SLC45A2: variants seen among roughly 807,000 people sequenced by gnomAD.
SLC45A2 encodes the protein solute carrier family 45 member 2.
In SLC45A2, 36 loss-of-function variants were observed where a neutral mutation model predicts 45.5. That is an observed-to-expected ratio of 0.79 (90% CI 0.61 to 1.04). The LOEUF is 1.04. SLC45A2 is among the 50% of genes least tolerant of loss of function. The pLI is 0.00. For synonymous variants in SLC45A2, 306 were observed against 269.3 expected (o/e 1.14, Z -1.33); for missense variants, 719 against 671.0 (o/e 1.07, Z -0.79).
Position 33,944,756 on chromosome 5 carries a change from G to A in SLC45A2, c.1485C>T (p.Gly495=). ...CGGTCCCGGCTGTGTTGACCAGAAA[G>A]CCCAGGCCACCTCCGACCAGGATCT... ...LAQILVGGGL[G]FLVNTAGTVV... The change falls in exon 7 of 7, where the codon GGC becomes GGT. Residue 495 remains glycine, a synonymous_variant. Transcript: ENST00000296589. 4 of 1,614,180 alleles carry A rather than the reference G, an allele frequency of 2.5e-6. No individual in the cohort carries two copies. Among genetic ancestry groups the A allele is most frequent in the Non-Finnish European group, 3.4e-6 (4 of 1,180,036 alleles).
In SLC45A2 at chr5:33,944,826, T is replaced by C. The variant is rs775276431; in HGVS notation, c.1415A>G (p.Lys472Arg). Residue 472 changes from lysine (K) to arginine (R), a missense_variant, in exon 7 of 7, where the codon AAG becomes AGG. Transcript: ENST00000296589. ...TGTGAGGGTGGCGCAGTCCATGCCCTTCCCTCTCACGCTGTTGTCTGGGTC... is the reference window on the plus strand; with the variant it reads ...TGTGAGGGTGGCGCAGTCCATGCCCCTCCCTCTCACGCTGTTGTCTGGGTC... The part of the protein sequence containing the change: ...GGDPDNSVRG[K>R]GMDCATLTCM... 6.8e-6 allele frequency: 11 copies of C among 1,613,978 alleles called. No homozygotes were observed. In the Admixed American group the frequency reaches 1.8e-4, roughly 27 times the overall value.
intron 4 of SLC45A2, among the ~76,000 whole-genome samples, chr5:33,954,032 T>C (rs6451045): frequency 0.94 from 135,233 of 144,600 alleles, 63,731 homozygotes; most frequent in Non-Finnish European, 0.99. Flanking sequence ...TTTATGCACC[T>C]AATACAGGAG....
chr5:33,971,465 G>T (rs981469546), intron 2 of SLC45A2: 14 of 402,840 alleles, frequency 3.5e-5, no homozygotes, highest in Admixed American at 6.3e-5. Context: ...TGGAGACAGG[G>T]TCTCACTCTA....
At chr5:33,969,050 T>TCC (rs1374414254) in intron 2 of SLC45A2, among the ~76,000 whole-genome samples, 2 of 91,906 alleles carry the variant, frequency 2.2e-5, no homozygotes, top group South Asian at 2.6e-4. Context: ...AGCTACTCTC[T>TCC]CTCTCTCTCT....
chr5:33,975,217 G>A (rs1167848343), intron 2 of SLC45A2, among the ~76,000 whole-genome samples: 2 of 152,236 alleles, frequency 1.3e-5, no homozygotes, highest in Non-Finnish European at 2.9e-5. Context: ...AATTAAATGA[G>A]CATATTTGTC....
rs764383476 is a variant in SLC45A2, at chr5:33,963,643, AAG to A, written c.888+46_888+47del. ...AATTAAAAAAACAACAACAACAACA[AAG>A]AGCAAGAATATTTTCCCTTGTAAAG... On this transcript the variant is annotated intron_variant, in intron 3 of 6. Coordinates refer to ENST00000296589, the MANE Select transcript of SLC45A2 (RefSeq NM_016180.5). The A allele has an allele frequency of 7.5e-3, 11,945 of 1,590,636 alleles. 80 individuals carry two copies. The highest frequency in any genetic ancestry group is 0.012 in the Middle Eastern group (66 of 5,726).
At chr5:33,963,228 G>A (rs26721) in intron 3 of SLC45A2, among the ~76,000 whole-genome samples, 122,692 of 152,192 alleles carry the variant, frequency 0.81, 52,583 homozygotes, top group Non-Finnish European at 0.97. Flanking sequence ...ATTTTAAGCT[G>A]ATGAATTCAC....
At chr5:33,983,898 A>G (rs547052269) in intron 1 of SLC45A2, among the ~76,000 whole-genome samples, 2 of 152,358 alleles carry the variant, frequency 1.3e-5, no homozygotes, top group Admixed American at 1.3e-4. Flanking sequence ...CTCAATTGAT[A>G]AATATGTAAA....
chr5:33,964,348 A>G (rs747662138), intron 2 of SLC45A2, among the ~76,000 whole-genome samples: 3 of 152,340 alleles, frequency 2.0e-5, no homozygotes, highest in Non-Finnish European at 4.4e-5. Flanking sequence ...CTTACTAAGT[A>G]TTGCTACCAT....
In SLC45A2 at chr5:33,984,559, C is replaced by T. The variant is rs1753193083; in HGVS notation, c.25G>A (p.Gly9Ser). 1 of 1,610,956 alleles carries T rather than the reference C, an allele frequency of 6.2e-7. No individual in the cohort carries two copies. The highest frequency in any genetic ancestry group is 1.3e-5 in the African/African-American group (1 of 74,934). Residue 9 changes from glycine (G) to serine (S), a missense_variant, in exon 1 of 7, where the codon GGC becomes AGC. Gly to Ser is a moderately conservative substitution (Grantham distance 56). Coordinates refer to ENST00000296589, the MANE Select transcript of SLC45A2 (RefSeq NM_016180.5). MGSNSGQA[G>S]RHIYKSLADD... ...GCTAGGGATTTATAGATGTGGCGGC[C>T]AGCCTGCCCACTGTTGCTACCCATG...
At position 33,963,030 on chromosome 5, in the gene SLC45A2, C is replaced by T. The variant is rs187669823; in HGVS notation, c.888+661G>A. ...ATTTTAGCTAGAAGCCCTATGGGGC[C>T]TTTGAGCATTTGAAATGTAGCTAAT... is the stretch of plus-strand genomic sequence containing the variant. On this transcript the variant is annotated intron_variant, in intron 3 of 6. Coordinates refer to ENST00000296589, the MANE Select transcript of SLC45A2 (RefSeq NM_016180.5). Among the ~76,000 whole-genome samples, 13 of 152,276 alleles carry T rather than the reference C, an allele frequency of 8.5e-5. No individual in the cohort carries two copies. In the South Asian group the frequency reaches 1.5e-3, roughly 17 times the overall value.
At chr5:33,976,129 G>T (rs1752923625) in intron 2 of SLC45A2, among the ~76,000 whole-genome samples, 1 of 152,212 alleles carries the variant, frequency 6.6e-6, no homozygotes, top group Non-Finnish European at 1.5e-5. Flanking sequence ...GTGGGCGTTA[G>T]TGACTTGCAA....
At chr5:33,963,273 A>G (rs1025073963) in intron 3 of SLC45A2, among the ~76,000 whole-genome samples, 1 of 152,186 alleles carries the variant, frequency 6.6e-6, no homozygotes, top group African/African-American at 2.4e-5. Context: ...AAAATATCCA[A>G]TCAACTCATG....
chr5:33,963,785 A>T lies in SLC45A2; in HGVS notation c.794T>A (p.Met265Lys), dbSNP rs1225244453. The change falls in exon 3 of 7, where the codon ATG becomes AAG. Residue 265 changes from methionine to lysine, a missense_variant. Physicochemically the swap from Met to Lys is moderately conservative, Grantham distance 95 (BLOSUM62 -1). Transcript: ENST00000296589. ...PQDPPLSSDG[M>K]YEYGSIEKVK... is the part of the protein sequence containing the mutation. ...TTTCTCGATAGAACCATACTCGTAC[A>T]TTCCATCTGATGACAATGGAGGGTC... 4 of 1,614,050 alleles carry T rather than the reference A, an allele frequency of 2.5e-6. No homozygotes were observed. Among genetic ancestry groups the T allele is most frequent in the Admixed American group, 1.7e-5 (1 of 60,008 alleles).
intron 4 of SLC45A2, among the ~76,000 whole-genome samples, chr5:33,954,128 A>C (rs1458877187): frequency 2.0e-5 from 3 of 152,054 alleles, no homozygotes; most frequent in Non-Finnish European, 4.4e-5. Flanking sequence ...TTAACACCCC[A>C]CTGTCAACTA....
chr5:33,958,968 C>T (rs192032625), intron 3 of SLC45A2, among the ~76,000 whole-genome samples: 8 of 152,264 alleles, frequency 5.3e-5, no homozygotes, highest in East Asian at 1.9e-4. Context: ...TCTATTATCA[C>T]GTATATACTT....
chr5:33,959,800 G>A (rs142962265), intron 3 of SLC45A2, among the ~76,000 whole-genome samples: 8 of 152,198 alleles, frequency 5.3e-5, no homozygotes, highest in African/African-American at 1.4e-4. Flanking sequence ...GAGCAGTGTC[G>A]AAGTTTACTT....
At chr5:33,971,299 G>A in intron 2 of SLC45A2, 1 of 520,952 alleles carries the variant, frequency 1.9e-6, no homozygotes, top group African/African-American at 1.9e-5. Context: ...GAATTGAGGG[G>A]TTACCACTTA....
intron 2 of SLC45A2, among the ~76,000 whole-genome samples, chr5:33,976,987 A>C (rs983009859): frequency 2.6e-5 from 4 of 152,128 alleles, no homozygotes; most frequent in Admixed American, 6.5e-5. Context: ...TCTAACCCTC[A>C]ATGGGACTGT....
Sources: allele counts gnomAD v4.1 joint callset (sites outside exome capture counted in the v4.1 genomes callset), GRCh38; gene constraint gnomAD v4.1.1; transcripts MANE v1.5; gene names NCBI Gene and HGNC (gene_info 2026-07-23, HGNC 2026-07-21).